The following BAZ2B variants were observed in gnomAD, a reference collection of about 807,000 sequenced individuals.
BAZ2B encodes bromodomain adjacent to zinc finger domain protein 2B.
Under a neutral mutation model 246.0 loss-of-function variants are expected in BAZ2B, and 91 were observed. The observed-to-expected ratio is 0.37, with a 90% CI of 0.31 to 0.44. BAZ2B has a LOEUF of 0.44. Among genes scored for constraint, BAZ2B ranks in the 20% least tolerant of loss-of-function variants. The probability of loss-of-function intolerance (pLI) is 1.00; values close to 1 mark genes in which losing one functional copy is unlikely to be tolerated. For synonymous variants in BAZ2B, 855 were observed against 860.0 expected, an observed-to-expected ratio of 0.99 and a Z score of 0.10; for missense variants, 2,332 against 2,533.7, an observed-to-expected ratio of 0.92 and a Z score of 1.71.
At chr2:159,697,524 A>T in the BAZ2B span, among the ~76,000 whole-genome samples, 5 of 152,330 alleles carry the variant, frequency 3.3e-5, no homozygotes, top group South Asian at 1.0e-3. Context: ...TTTCTCCATT[A>T]GGACAATCAT....
intron 2 of BAZ2B, chr2:159,516,172 T>C (rs2083426578): frequency 6.6e-6 from 1 of 152,092 alleles, no homozygotes; most frequent in Admixed American, 6.6e-5. Flanking sequence ...AGGATATATT[T>C]ATAAGAGATC....
chr2:159,433,292 A>G lies in BAZ2B; in HGVS notation c.1365T>C (p.Ile455=), dbSNP rs572047302. 2.5e-6 allele frequency: 4 copies of G among 1,614,096 alleles called. No individual in the cohort carries two copies. In the African/African-American group the frequency reaches 5.3e-5, roughly 22 times the overall value. The change falls in exon 9 of 37, where the codon ATT becomes ATC. Residue 455 remains isoleucine, a synonymous_variant. Coordinates refer to ENST00000392783, the MANE Select transcript of BAZ2B (RefSeq NM_013450.4). ...TTGCTTTTGGATTTGACAAAGCTGCAATAACCTTCTTCAGGCTCTTCGATG... is the reference window on the plus strand; with the variant it reads ...TTGCTTTTGGATTTGACAAAGCTGCGATAACCTTCTTCAGGCTCTTCGATG... ...QESSKSLKKV[I]AALSNPKATS...
rs376561169 is a variant in BAZ2B, at chr2:159,349,300, A to G, written c.4864-20T>C. On this transcript the variant is annotated intron_variant, in intron 28 of 36. Transcript: ENST00000392783. ...TTTCACCTGCAAAAAGAAAACATTT[A>G]TTAATGAAAAGTAGATTACTCTAAG... The G allele has an allele frequency of 1.6e-4, 252 of 1,567,588 alleles. No individual in the cohort carries two copies. The highest frequency in any genetic ancestry group is 2.0e-4 in the Non-Finnish European group (233 of 1,156,642).
chr2:159,652,319 C>T, the BAZ2B span, among the ~76,000 whole-genome samples: 1 of 151,920 alleles, frequency 6.6e-6, no homozygotes, highest in South Asian at 2.1e-4. Context: ...AAGTGATTCT[C>T]CTGCCTCACC....
At chr2:159,556,909 G>A (rs2089210172) in intron 1 of BAZ2B, among the ~76,000 whole-genome samples, 1 of 152,104 alleles carries the variant, frequency 6.6e-6, no homozygotes, top group African/African-American at 2.4e-5. Flanking sequence ...TCCTTCAAAG[G>A]GGCAGGAAAG....
At chr2:159,377,008 C>CACAG (rs2061476090) in intron 25 of BAZ2B, among the ~76,000 whole-genome samples, 2 of 152,044 alleles carry the variant, frequency 1.3e-5, no homozygotes, top group African/African-American at 4.8e-5. Context: ...TCTCACAGGC[C>CACAG]AACTTGTGAG....
Position 159,350,099 on chromosome 2 carries a change from G to A in BAZ2B, c.4472C>T (p.Ala1491Val), listed in dbSNP as rs1308055685. The change falls in exon 28 of 37, where the codon GCT (alanine) becomes GTT (valine). Residue 1491 changes from alanine to valine, a missense_variant. This residue lies in a region of BAZ2B where 676 missense variants were observed against 668.6 expected (regional missense o/e 1.01). Coordinates refer to ENST00000392783, the MANE Select transcript of BAZ2B (RefSeq NM_013450.4). ...AGACAACGTGCACCCATTTGCACCA[G>A]CATTTGGTTTGGGGGTCATAACCTC... Reference protein sequence around the residue: ...ESEVMTPKPNAGANGCTLSYQ... With the variant: ...ESEVMTPKPNVGANGCTLSYQ... 6.2e-7 allele frequency: 1 copy of A among 1,614,006 alleles called. No homozygotes were observed. Among genetic ancestry groups the A allele is most frequent in the Admixed American group, 1.7e-5 (1 of 59,952 alleles).
intron 1 of BAZ2B, among the ~76,000 whole-genome samples, chr2:159,577,023 C>T (rs1158034654): frequency 6.6e-6 from 1 of 151,296 alleles, no homozygotes; most frequent in Non-Finnish European, 1.5e-5. Context: ...CCCAGGAGTT[C>T]AAGAGCAGCC....
chr2:159,566,586 A>G (rs191977205), intron 1 of BAZ2B, among the ~76,000 whole-genome samples: 1 of 152,306 alleles, frequency 6.6e-6, no homozygotes, highest in East Asian at 1.9e-4. Flanking sequence ...GGCCATTCAC[A>G]TATCAATCAT....
chr2:159,349,686 A>G lies in BAZ2B; in HGVS notation c.4863+22T>C, dbSNP rs759695010. 8.3e-6 allele frequency: 13 copies of G among 1,572,716 alleles called. No individual in the cohort carries two copies. In the African/African-American group the frequency reaches 1.4e-4, roughly 17 times the overall value. On this transcript the variant is annotated intron_variant, in intron 28 of 36. Coordinates refer to ENST00000392783, the MANE Select transcript of BAZ2B (RefSeq NM_013450.4). ...GATTACATAAAGCAATATAAAAATG[A>G]GTTACAGTTAGCAGTACTAACCTGA...
At chr2:159,378,558 T>C (rs893378400) in intron 25 of BAZ2B, among the ~76,000 whole-genome samples, 2 of 152,144 alleles carry the variant, frequency 1.3e-5, no homozygotes, top group Non-Finnish European at 2.9e-5. Flanking sequence ...ATATATTTGA[T>C]AAGGGGTTAA....
the BAZ2B span, among the ~76,000 whole-genome samples, chr2:159,628,258 A>G: frequency 6.6e-6 from 1 of 152,248 alleles, no homozygotes; most frequent in Non-Finnish European, 1.5e-5. Flanking sequence ...AGTAATTTAT[A>G]CATTCAATGC....
chr2:159,455,775 T>TTTG (rs1553632910), intron 3 of BAZ2B, among the ~76,000 whole-genome samples: 5 of 146,870 alleles, frequency 3.4e-5, no homozygotes, highest in Admixed American at 6.8e-5. Context: ...TTTTTTTTTT[T>TTTG]TTTTTTTTTT....
At chr2:159,371,100 G>A (rs1373586906) in intron 27 of BAZ2B, among the ~76,000 whole-genome samples, 4 of 152,100 alleles carry the variant, frequency 2.6e-5, no homozygotes, top group Non-Finnish European at 5.9e-5. Context: ...GAGACACCGC[G>A]CTCGGCCAAA....
intron 2 of BAZ2B, among the ~76,000 whole-genome samples, chr2:159,516,968 C>CCT (rs1459865317): frequency 6.6e-6 from 1 of 151,880 alleles, no homozygotes; most frequent in East Asian, 1.9e-4. Flanking sequence ...CAAAAACCTG[C>CCT]CAAAAATAAA....
chr2:159,575,217 T>TA (rs1685020645), intron 1 of BAZ2B, among the ~76,000 whole-genome samples: 1 of 152,068 alleles, frequency 6.6e-6, no homozygotes. Flanking sequence ...GGGAGTCCTA[T>TA]GCTTCTATGC....
At position 159,470,194 on chromosome 2, in the gene BAZ2B, T is replaced by C. The variant is rs1440483927; in HGVS notation, c.145+8381A>G. ...ATAGCAAGTTAAAAGGAAAAAGCCA[T>C]ATAATCATTTCAAAAAGTGCAGAAA... On this transcript the variant is annotated intron_variant, in intron 3 of 36. Coordinates refer to ENST00000392783, the MANE Select transcript of BAZ2B (RefSeq NM_013450.4). Among the ~76,000 whole-genome samples the C allele has an allele frequency of 4.6e-5, 7 of 152,170 alleles. No individual in the cohort carries two copies. The East Asian group carries it at 7.7e-4, about 17-fold the overall frequency.
rs367639112 is a variant in BAZ2B at position 159,349,843 on chromosome 2, G to A, written c.4728C>T (p.Ala1576=). ...TPCDDTSLTH[A]DMSTASLVTP... ...TCACCAAAGAAGCAGTTGACATATC[G>A]GCATGAGTAAGTGAAGTGTCATCAC... The change falls in exon 28 of 37, where the codon GCC becomes GCT. Residue 1576 remains alanine (A), a synonymous_variant. Transcript: ENST00000392783. 3.0e-5 allele frequency: 48 copies of A among 1,614,154 alleles called. No individual in the cohort carries two copies. Among genetic ancestry groups the A allele is most frequent in the African/African-American group, 1.3e-4 (10 of 75,044 alleles).
intron 2 of BAZ2B, among the ~76,000 whole-genome samples, chr2:159,553,242 A>C (rs1308816936): frequency 6.6e-6 from 1 of 151,954 alleles, no homozygotes; most frequent in Non-Finnish European, 1.5e-5. Flanking sequence ...TAAAAATACA[A>C]AAATTAGCTG....
Sources: allele counts gnomAD v4.1 joint callset (sites outside exome capture counted in the v4.1 genomes callset), GRCh38; gene constraint gnomAD v4.1.1; regional missense constraint gnomAD v4.1.1; transcripts MANE v1.5; gene names NCBI Gene and HGNC (gene_info 2026-07-23, HGNC 2026-07-21).